EPHA3: variants seen among roughly 807,000 people sequenced by gnomAD.
The protein encoded by EPHA3 is EPH receptor A3, also known as ephrin type-A receptor 3.
A neutral mutation model predicts 107.1 loss-of-function variants in EPHA3; 42 were observed. The ratio of observed to expected loss-of-function variants is 0.39; its 90% CI spans 0.31 to 0.51. The LOEUF is 0.51. Among genes scored for constraint, EPHA3 ranks in the 20% least tolerant of loss-of-function variants. The pLI is 0.78. For missense variants in EPHA3, 1,183 were observed against 1,211.2 expected (o/e 0.98, Z 0.35); for synonymous variants, 461 against 424.8 (o/e 1.09, Z -1.05).
chr3:89,376,851 C>T (rs180796892), intron 5 of EPHA3, among the ~76,000 whole-genome samples: 76 of 152,084 alleles, frequency 5.0e-4, no homozygotes, highest in Middle Eastern at 6.8e-3. Flanking sequence ...AATTTGTCTT[C>T]GAAAAGTGGC....
At chr3:89,424,228 A>T (rs1709412648) in intron 11 of EPHA3, among the ~76,000 whole-genome samples, 4 of 151,446 alleles carry the variant, frequency 2.6e-5, no homozygotes, top group African/African-American at 9.7e-5. Context: ...TCCAAGTATG[A>T]AAAGTTGGTT....
At chr3:89,199,747 C>T (rs1246343089) in intron 2 of EPHA3, among the ~76,000 whole-genome samples, 1 of 151,842 alleles carries the variant, frequency 6.6e-6, no homozygotes, top group Non-Finnish European at 1.5e-5. Flanking sequence ...CTTCTTTTTT[C>T]CTGTAAGTCT....
intron 5 of EPHA3, among the ~76,000 whole-genome samples, chr3:89,344,868 G>T (rs142464360): frequency 6.6e-6 from 1 of 151,632 alleles, no homozygotes; most frequent in South Asian, 2.1e-4. Flanking sequence ...TTGTAAATTC[G>T]GATATTAGTT....
intron 3 of EPHA3, among the ~76,000 whole-genome samples, chr3:89,328,071 C>T (rs1559648899): frequency 6.6e-6 from 1 of 151,906 alleles, no homozygotes; most frequent in Non-Finnish European, 1.5e-5. Flanking sequence ...GTACTCCAGC[C>T]TGGGTGATAG....
chr3:89,287,585 A>C (rs1706118436), intron 3 of EPHA3, among the ~76,000 whole-genome samples: 1 of 152,138 alleles, frequency 6.6e-6, no homozygotes, highest in African/African-American at 2.4e-5. Context: ...TATATATTAT[A>C]CAGGCAAGAA....
At chr3:89,197,228 G>A (rs1705856264) in intron 2 of EPHA3, among the ~76,000 whole-genome samples, 1 of 152,134 alleles carries the variant, frequency 6.6e-6, no homozygotes, top group South Asian at 2.1e-4. Context: ...AAATGGTTTT[G>A]TAGAATGTAA....
chr3:89,406,561 T>C (rs553191771), intron 7 of EPHA3, among the ~76,000 whole-genome samples: 1 of 152,196 alleles, frequency 6.6e-6, no homozygotes, highest in East Asian at 1.9e-4. Flanking sequence ...TAAAATTGTA[T>C]TTATAGACAG....
intron 3 of EPHA3, among the ~76,000 whole-genome samples, chr3:89,294,933 C>T (rs967685634): frequency 1.3e-5 from 2 of 152,040 alleles, no homozygotes; most frequent in Admixed American, 1.3e-4. Flanking sequence ...TATTCTTGAA[C>T]TTTTCTATGG....
At chr3:89,364,019 A>G (rs1384947585) in intron 5 of EPHA3, among the ~76,000 whole-genome samples, 1 of 150,766 alleles carries the variant, frequency 6.6e-6, no homozygotes, top group African/African-American at 2.4e-5. Context: ...AAGGCACACT[A>G]TAGGTTTTTT....
intron 3 of EPHA3, among the ~76,000 whole-genome samples, chr3:89,252,058 A>G (rs1394208397): frequency 6.6e-6 from 1 of 152,194 alleles, no homozygotes; most frequent in Non-Finnish European, 1.5e-5. Flanking sequence ...TAGATCTTCT[A>G]CTCAGGAATA....
chr3:89,281,046 CAG>C (rs1456076313), intron 3 of EPHA3, among the ~76,000 whole-genome samples: 4 of 99,854 alleles, frequency 4.0e-5, no homozygotes, highest in South Asian at 2.7e-4. Flanking sequence ...TTTATTATGA[CAG>C]AGTCTCACTC....
At chr3:89,189,835 A>G (rs1198989071) in intron 2 of EPHA3, among the ~76,000 whole-genome samples, 5 of 152,196 alleles carry the variant, frequency 3.3e-5, no homozygotes, top group Non-Finnish European at 7.4e-5. Flanking sequence ...AGGAGGCATT[A>G]ATTGTGTCCA....
At chr3:89,142,803 C>A (rs1254382770) in intron 2 of EPHA3, among the ~76,000 whole-genome samples, 1 of 151,254 alleles carries the variant, frequency 6.6e-6, no homozygotes, top group Non-Finnish European at 1.5e-5. Context: ...TTGATTTAGA[C>A]CAGTGAGCCA....
In EPHA3 at chr3:89,429,325, C is replaced by CT. The variant is rs149320757; in HGVS notation, c.2136+165dup. Among the ~76,000 whole-genome samples the CT allele has an allele frequency of 6.3e-3, 959 of 152,084 alleles. 7 individuals are homozygous for CT. Among genetic ancestry groups the CT allele is most frequent in the African/African-American group, 0.018 (754 of 41,512 alleles). The stretch of plus-strand genomic sequence containing the variant: ...ACAGAGAAGGGCTGTAAAATTGCAT[C>CT]TTTTTTTGCAGCATTCAAATGTTAA... On this transcript the variant is annotated intron_variant, in intron 12 of 16. Coordinates refer to ENST00000336596, the MANE Select transcript of EPHA3 (RefSeq NM_005233.6).
intron 5 of EPHA3, among the ~76,000 whole-genome samples, chr3:89,376,438 A>C (rs1488810854): frequency 6.6e-6 from 1 of 151,808 alleles, no homozygotes; most frequent in Non-Finnish European, 1.5e-5. Context: ...TCCAAGTTGT[A>C]CCTTTAAAAT....
intron 15 of EPHA3, among the ~76,000 whole-genome samples, chr3:89,453,705 C>G (rs1576386874): frequency 6.6e-6 from 1 of 152,124 alleles, no homozygotes; most frequent in East Asian, 1.9e-4. Flanking sequence ...TGCTTTCCTA[C>G]TTTTGACAAT....
At chr3:89,248,049 C>A (rs1201753139) in intron 3 of EPHA3, among the ~76,000 whole-genome samples, 1 of 152,116 alleles carries the variant, frequency 6.6e-6, no homozygotes, top group Non-Finnish European at 1.5e-5. Flanking sequence ...AAAAACAAAA[C>A]CCCAAATATT....
chr3:89,339,748 A>G (rs1229944619), intron 3 of EPHA3, among the ~76,000 whole-genome samples: 1 of 152,204 alleles, frequency 6.6e-6, no homozygotes, highest in Non-Finnish European at 1.5e-5. Flanking sequence ...TATGAAGTTA[A>G]TATAAGAAAA....
chr3:89,170,785 A>G (rs763839085), intron 2 of EPHA3, among the ~76,000 whole-genome samples: 30 of 152,152 alleles, frequency 2.0e-4, no homozygotes, highest in Non-Finnish European at 8.8e-5. Context: ...ACAAGAATTT[A>G]TTTGAGAGCA....
Sources: gnomAD v4.1 joint callset for allele counts (sites outside exome capture counted in the v4.1 genomes callset) on GRCh38, gnomAD v4.1.1 for gene constraint, MANE v1.5 for transcripts, NCBI Gene and HGNC (gene_info 2026-07-23, HGNC 2026-07-21) for gene names.